Variants in DYNLT5 observed in about 807,000 individuals in gnomAD.
DYNLT5 encodes dynein light chain Tctex-type 5.
DYNLT5 carries 25 observed loss-of-function variants against 19.3 expected under a neutral mutation model. The observed-to-expected ratio is 1.30, with a 90% confidence interval of 0.95 to 1.81. The LOEUF (loss-of-function observed/expected upper bound fraction) is 1.81, where lower values mean the gene tolerates loss of function less well. Ranked by LOEUF, DYNLT5 falls within the 40% of genes most tolerant of loss-of-function variation. The probability of loss-of-function intolerance (pLI) is 0.00; values close to 1 mark genes in which losing one functional copy is unlikely to be tolerated. For synonymous variants in DYNLT5, 82 were observed against 68.9 expected (o/e 1.19, Z -0.94); for missense variants, 232 against 217.9 (o/e 1.06, Z -0.41).
At chr1:66,766,232 C>T (rs1462051069) in intron 2 of DYNLT5, among the ~76,000 whole-genome samples, 1 of 152,100 alleles carries the variant, frequency 6.6e-6, no homozygotes, top group East Asian at 1.9e-4. Context: ...AAAAATAAAA[C>T]CGTAGCATTC....
At chr1:66,761,002 C>A (rs555319545) in intron 2 of DYNLT5, among the ~76,000 whole-genome samples, 4 of 152,040 alleles carry the variant, frequency 2.6e-5, no homozygotes, top group African/African-American at 9.7e-5. Context: ...CACTTCTACT[C>A]GAAAAAAATA....
chr1:66,777,256 T>C lies in DYNLT5; in HGVS notation c.342T>C (p.Ile114=), dbSNP rs1375257478. 1 of 1,607,176 alleles carries C rather than the reference T, an allele frequency of 6.2e-7. No homozygotes were observed. Among genetic ancestry groups the C allele is most frequent in the Admixed American group, 1.7e-5 (1 of 59,686 alleles). The change falls in exon 5 of 5, where the codon ATT becomes ATC. Residue 114 remains isoleucine, a synonymous_variant. Coordinates refer to ENST00000282670, the MANE Select transcript of DYNLT5 (RefSeq NM_152665.3). The part of the protein sequence containing the change: ...RQMTKTISEV[I]KAQVKDLMIP... ...CCCTTTTTTTAAATTTCTAGGTTAT[T>C]AAAGCCCAGGTCAAGGACTTGATGA...
chr1:66,753,891 G>C (rs630410), intron 1 of DYNLT5, among the ~76,000 whole-genome samples: 2 of 151,830 alleles, frequency 1.3e-5, no homozygotes, highest in Non-Finnish European at 2.9e-5. Context: ...TTGAAGTTAC[G>C]GTGAGCTATG....
intron 2 of DYNLT5, among the ~76,000 whole-genome samples, chr1:66,762,210 A>G (rs1407238101): frequency 1.3e-5 from 2 of 152,212 alleles, no homozygotes; most frequent in Non-Finnish European, 2.9e-5. Context: ...TTCATGGGGT[A>G]CATAGTGATT....
At position 66,752,509 on chromosome 1, in the gene DYNLT5, C is replaced by G. The variant is rs767133177; in HGVS notation, c.-79C>G. Reference sequence around the variant, plus strand: ...GCCGCCGGCTGAATGAAGCCTGGGACGCGGGAGCCGCGCCGCGCGCAGTGT... The same window carrying G: ...GCCGCCGGCTGAATGAAGCCTGGGAGGCGGGAGCCGCGCCGCGCGCAGTGT... On this transcript the variant is annotated 5_prime_UTR_variant, in exon 1 of 5. Coordinates refer to ENST00000282670, the MANE Select transcript of DYNLT5 (RefSeq NM_152665.3). The G allele has an allele frequency of 1.0e-6, 1 of 985,446 alleles. No individual in the cohort carries two copies. Among genetic ancestry groups the G allele is most frequent in the Non-Finnish European group, 1.2e-6 (1 of 830,046 alleles). The allele number at this position is 985,446 out of a possible 1,614,324, so 61.0% of individuals were successfully genotyped here. A position where few individuals can be genotyped will look rare whatever the true frequency, so the allele number is the denominator to read the frequency against.
intron 2 of DYNLT5, among the ~76,000 whole-genome samples, chr1:66,762,410 A>G (rs1469929914): frequency 1.3e-5 from 2 of 152,192 alleles, no homozygotes; most frequent in South Asian, 4.1e-4. Flanking sequence ...CTATCTAGCT[A>G]TAATTTTGTA....
chr1:66,753,706 T>C (rs1282912433), intron 1 of DYNLT5, among the ~76,000 whole-genome samples: 3 of 152,204 alleles, frequency 2.0e-5, no homozygotes, highest in Non-Finnish European at 4.4e-5. Flanking sequence ...TCCAGCACTT[T>C]GGGAGGCCAA....
chr1:66,770,351 A>G (rs750099761), intron 2 of DYNLT5, 36 bp from the exon 3 acceptor site: 41 of 1,325,084 alleles, frequency 3.1e-5, no homozygotes, highest in Non-Finnish European at 4.2e-5. Context: ...TATTGTTATA[A>G]TAATGACTAA....
chr1:66,774,727 G>T (rs1028829836), intron 3 of DYNLT5, among the ~76,000 whole-genome samples: 20 of 141,900 alleles, frequency 1.4e-4, no homozygotes, highest in Admixed American at 1.0e-3. Flanking sequence ...ACCCTTCTGG[G>T]ATCTATTAAA....
intron 3 of DYNLT5, chr1:66,775,464 A>G (rs1356258905): frequency 6.6e-6 from 1 of 152,222 alleles, no homozygotes; most frequent in East Asian, 1.9e-4. Flanking sequence ...ATAAAATTTA[A>G]TTCTATTTAA....
rs1251590899 is a variant in DYNLT5, at chr1:66,777,870, A to G, written c.*416A>G. ...ATATTCAACATGGTATACACAAATG[A>G]TAAATAATGTGCCTCAGTGCTGCAT... On this transcript the variant is annotated 3_prime_UTR_variant, in exon 5 of 5. Transcript: ENST00000282670. 8 of 156,090 alleles carry G rather than the reference A, an allele frequency of 5.1e-5. No homozygotes were observed. Among genetic ancestry groups the G allele is most frequent in the Admixed American group, 5.0e-4 (8 of 15,960 alleles). The allele number at this position is 156,090 out of a possible 1,614,324, so 9.7% of individuals were successfully genotyped here.
intron 4 of DYNLT5, among the ~76,000 whole-genome samples, chr1:66,776,746 G>C (rs1367849106): frequency 6.6e-6 from 1 of 152,134 alleles, no homozygotes; most frequent in Non-Finnish European, 1.5e-5. Context: ...ATCAAATACA[G>C]ACATTGTGGT....
intron 4 of DYNLT5, among the ~76,000 whole-genome samples, chr1:66,776,644 T>C (rs1645237682): frequency 6.6e-6 from 1 of 152,102 alleles, no homozygotes; most frequent in Non-Finnish European, 1.5e-5. Context: ...TAAAAGTGTA[T>C]AAAACTGCCC....
At chr1:66,756,819 A>G (rs993084728) in intron 2 of DYNLT5, among the ~76,000 whole-genome samples, 5 of 152,060 alleles carry the variant, frequency 3.3e-5, no homozygotes, top group Admixed American at 6.5e-5. Context: ...CTCCAGCTAT[A>G]CTCAGTTATT....
chr1:66,776,101 C>T (rs1467701292), intron 3 of DYNLT5, 178 bp from the exon 4 acceptor site: 1 of 668,808 alleles, frequency 1.5e-6, no homozygotes, highest in Non-Finnish European at 2.3e-6. Flanking sequence ...ATATTGTCTT[C>T]TTGTTCTCTC....
chr1:66,752,965 C>T (rs867684272), intron 1 of DYNLT5, among the ~76,000 whole-genome samples: 13 of 151,710 alleles, frequency 8.6e-5, no homozygotes, highest in African/African-American at 3.1e-4. Context: ...CAGCTGAGGC[C>T]GAGATGGGTC....
At chr1:66,755,412 A>G (rs2094634438) in intron 2 of DYNLT5, among the ~76,000 whole-genome samples, 1 of 152,130 alleles carries the variant, frequency 6.6e-6, no homozygotes, top group African/African-American at 2.4e-5. Flanking sequence ...ATATACATCA[A>G]TTTTTAATAT....
chr1:66,772,251 C>G (rs1439906293), intron 3 of DYNLT5, among the ~76,000 whole-genome samples: 1 of 152,204 alleles, frequency 6.6e-6, no homozygotes, highest in Non-Finnish European at 1.5e-5. Context: ...ACATCTGCTT[C>G]TGGTAAGACC....
In DYNLT5 at chr1:66,776,285, C is replaced by T. The variant is rs746905960; in HGVS notation, c.218C>T (p.Pro73Leu). ...ATTTTATGTGTATTTTCAGGTCCTCCCAAACATTTTCCTGTGGTCACCGTC... is the reference window on the plus strand; with the variant it reads ...ATTTTATGTGTATTTTCAGGTCCTCTCAAACATTTTCCTGTGGTCACCGTC... ...QMENTYQLGP[P>L]KHFPVVTVNH... The change falls in exon 4 of 5, where the codon CCC becomes CTC. Residue 73 changes from proline to leucine, a missense_variant. Physicochemically the swap from Pro to Leu is moderately conservative, Grantham distance 98. Coordinates refer to ENST00000282670, the MANE Select transcript of DYNLT5 (RefSeq NM_152665.3). 7 of 1,611,226 alleles carry T rather than the reference C, an allele frequency of 4.3e-6. No homozygotes were observed. The Admixed American group carries it at 1.0e-4, about 23-fold the overall frequency.
Sources: allele counts gnomAD v4.1 joint callset (sites outside exome capture counted in the v4.1 genomes callset), GRCh38; gene constraint gnomAD v4.1.1; transcripts MANE v1.5; gene names NCBI Gene and HGNC (gene_info 2026-07-23, HGNC 2026-07-21).